SEMA3E: variants seen among roughly 807,000 people sequenced by gnomAD.
SEMA3E encodes semaphorin 3E.
Under a neutral mutation model 93.6 loss-of-function variants are expected in SEMA3E, and 49 were observed. The ratio of observed to expected loss-of-function variants is 0.52; its 90% CI spans 0.42 to 0.66. The LOEUF is 0.66. Ranked by LOEUF, SEMA3E falls within the 30% of genes least tolerant of loss-of-function variation. SEMA3E has a pLI of 0.00. For synonymous variants in SEMA3E, 363 were observed against 330.7 expected (o/e 1.10, Z -1.06); for missense variants, 906 against 964.8 (o/e 0.94, Z 0.81).
At chr7:83,465,780 T>C (rs1022066352) in intron 4 of SEMA3E, among the ~76,000 whole-genome samples, 20 of 152,174 alleles carry the variant, frequency 1.3e-4, no homozygotes, top group Non-Finnish European at 4.4e-5. Context: ...AATTGTGATA[T>C]AGAGTGCTTC....
At chr7:83,396,283 C>T (rs1380954817) in intron 12 of SEMA3E, among the ~76,000 whole-genome samples, 1 of 151,760 alleles carries the variant, frequency 6.6e-6, no homozygotes, top group East Asian at 1.9e-4. Flanking sequence ...CTTATCTTGC[C>T]TCAATGTTCA....
intron 4 of SEMA3E, among the ~76,000 whole-genome samples, chr7:83,460,999 A>G (rs1789604717): frequency 6.6e-6 from 1 of 151,770 alleles, no homozygotes; most frequent in Non-Finnish European, 1.5e-5. Context: ...TTCAACTCAC[A>G]CCTGACCTAA....
At chr7:83,499,836 T>TACGCGCATGCACACACAC (rs1790561722) in intron 1 of SEMA3E, among the ~76,000 whole-genome samples, 1 of 152,184 alleles carries the variant, frequency 6.6e-6, no homozygotes, top group African/African-American at 2.4e-5. Context: ...TATGCACATA[T>TACGCGCATGCACACACAC]ACGCGCATGC....
intron 1 of SEMA3E, among the ~76,000 whole-genome samples, chr7:83,592,170 AT>A (rs955282603): frequency 1.4e-4 from 22 of 152,164 alleles, no homozygotes; most frequent in Non-Finnish European, 2.8e-4. Flanking sequence ...TAACGGTTTT[AT>A]TTTTTAAATG....
intron 1 of SEMA3E, among the ~76,000 whole-genome samples, chr7:83,606,875 A>G (rs1497334): frequency 0.28 from 42,564 of 151,962 alleles, 6,582 homozygotes; most frequent in African/African-American, 0.4. Context: ...ACAAAATGAG[A>G]TTTGCTAAAG....
At position 83,423,022 on chromosome 7, in the gene SEMA3E, T is replaced by C. The variant is rs191330180; in HGVS notation, c.457-4539A>G. Among the ~76,000 whole-genome samples, 18 of 152,292 alleles carry C rather than the reference T, an allele frequency of 1.2e-4. No homozygotes were observed. In the East Asian group the frequency reaches 3.5e-3, roughly 29 times the overall value. ...TGACTAGTGAATTTTAGCCTGTGAC[T>C]GTGGTATTAAGTATCTTACATACCA... On this transcript the variant is annotated intron_variant, in intron 4 of 16. Transcript: ENST00000643230.
At chr7:83,417,458 G>A (rs534099490) in intron 5 of SEMA3E, among the ~76,000 whole-genome samples, 2 of 152,090 alleles carry the variant, frequency 1.3e-5, no homozygotes, top group Non-Finnish European at 2.9e-5. Context: ...AGAATGTGAA[G>A]TCTCTACATT....
At chr7:83,630,496 A>G (rs1562862475) in intron 1 of SEMA3E, among the ~76,000 whole-genome samples, 1 of 152,312 alleles carries the variant, frequency 6.6e-6, no homozygotes, top group East Asian at 1.9e-4. Context: ...AACATCCCAA[A>G]GATATCTGAC....
At chr7:83,582,693 C>T (rs1792538310) in intron 1 of SEMA3E, among the ~76,000 whole-genome samples, 2 of 151,972 alleles carry the variant, frequency 1.3e-5, no homozygotes, top group Non-Finnish European at 2.9e-5. Context: ...TTAAATTGTC[C>T]AGTTATAGGA....
intron 1 of SEMA3E, among the ~76,000 whole-genome samples, chr7:83,580,910 A>T (rs1792506533): frequency 6.6e-6 from 1 of 152,008 alleles, no homozygotes; most frequent in Non-Finnish European, 1.5e-5. Flanking sequence ...AATATGTTGA[A>T]TTCTGTGTCA....
At chr7:83,396,140 C>T (rs62458482) in intron 12 of SEMA3E, among the ~76,000 whole-genome samples, 4 of 151,584 alleles carry the variant, frequency 2.6e-5, no homozygotes, top group Non-Finnish European at 2.9e-5. Flanking sequence ...TGTATACACA[C>T]GTGCACCTAT....
intron 16 of SEMA3E, among the ~76,000 whole-genome samples, chr7:83,383,447 T>C (rs1787819895): frequency 6.6e-6 from 1 of 151,954 alleles, no homozygotes; most frequent in Non-Finnish European, 1.5e-5. Context: ...ATCATGTATA[T>C]TCAGCCTTTA....
chr7:83,614,582 G>A (rs938503525), intron 1 of SEMA3E, among the ~76,000 whole-genome samples: 3 of 152,072 alleles, frequency 2.0e-5, no homozygotes, highest in Non-Finnish European at 4.4e-5. Flanking sequence ...AAATCTTAGT[G>A]GCTTAAAACA....
intron 16 of SEMA3E, among the ~76,000 whole-genome samples, chr7:83,384,357 A>G (rs1562755181): frequency 6.6e-6 from 1 of 151,976 alleles, no homozygotes; most frequent in Non-Finnish European, 1.5e-5. Context: ...AAATGCACCT[A>G]TTACCTCTTC....
At chr7:83,482,869 T>C (rs190814078) in intron 2 of SEMA3E, among the ~76,000 whole-genome samples, 21 of 151,778 alleles carry the variant, frequency 1.4e-4, no homozygotes, top group Admixed American at 1.2e-3. Flanking sequence ...TTGGATATGT[T>C]TGAAGGTTAT....
At position 83,431,280 on chromosome 7, in the gene SEMA3E, CTCTG is replaced by C. The variant is rs1788878096; in HGVS notation, c.457-12801_457-12798del. ...AATAAAGTTTTGAGAAGGAATGTCTCTCTGTATCTGAAATGTAAAAATTAATTAA... is the reference window on the plus strand; with the variant it reads ...AATAAAGTTTTGAGAAGGAATGTCTCTATCTGAAATGTAAAAATTAATTAA... On this transcript the variant is annotated intron_variant, in intron 4 of 16. Coordinates refer to ENST00000643230, the MANE Select transcript of SEMA3E (RefSeq NM_012431.3). 2.6e-5 allele frequency among the ~76,000 whole-genome samples: 4 copies of C among 151,522 alleles called. No homozygotes were observed. In the South Asian group the frequency reaches 6.2e-4, roughly 24 times the overall value.
chr7:83,464,806 G>T (rs866140965), intron 4 of SEMA3E, among the ~76,000 whole-genome samples: 2 of 144,858 alleles, frequency 1.4e-5, no homozygotes, highest in South Asian at 4.8e-4. Flanking sequence ...TTCCCACGCC[G>T]CCCCTAATCC....
intron 1 of SEMA3E, among the ~76,000 whole-genome samples, chr7:83,503,755 G>A (rs1424518472): frequency 6.6e-6 from 1 of 152,086 alleles, no homozygotes; most frequent in Admixed American, 6.6e-5. Flanking sequence ...ACACAGAAAA[G>A]GTAAAATAAA....
In SEMA3E at chr7:83,474,886, T is replaced by C. The variant is rs150708264; in HGVS notation, c.277-5584A>G. Among the ~76,000 whole-genome samples the C allele has an allele frequency of 2.4e-3, 371 of 152,270 alleles. 1 individual carries two copies. Among genetic ancestry groups the C allele is most frequent in the Admixed American group, 5.6e-3 (85 of 15,290 alleles). On this transcript the variant is annotated intron_variant, in intron 2 of 16. Coordinates refer to ENST00000643230, the MANE Select transcript of SEMA3E (RefSeq NM_012431.3). ...TGTAAGACCCATTCTAATTTGACAT[T>C]CAATTTGATTTGGGAATTATTATTT...
Sources: gnomAD v4.1 joint callset for allele counts (sites outside exome capture counted in the v4.1 genomes callset) on GRCh38, gnomAD v4.1.1 for gene constraint, MANE v1.5 for transcripts, NCBI Gene and HGNC (gene_info 2026-07-23, HGNC 2026-07-21) for gene names.